Variants in INPP4B observed in about 807,000 individuals in gnomAD.
INPP4B encodes inositol polyphosphate-4-phosphatase type II B.
Under a neutral mutation model 122.5 loss-of-function variants are expected in INPP4B, and 55 were observed. The observed-to-expected ratio is 0.45, with a 90% confidence interval of 0.36 to 0.56. The LOEUF (loss-of-function observed/expected upper bound fraction) is 0.56. Among genes scored for constraint, INPP4B ranks in the 20% least tolerant of loss-of-function variants. INPP4B has a pLI of 0.00. For synonymous variants in INPP4B, 403 were observed against 388.7 expected, an observed-to-expected ratio of 1.04 and a Z score of -0.43; for missense variants, 1,000 against 1,097.7, an observed-to-expected ratio of 0.91 and a Z score of 1.26.
At chr4:142,092,505 G>A (rs549500876) in intron 23 of INPP4B, among the ~76,000 whole-genome samples, 3 of 151,972 alleles carry the variant, frequency 2.0e-5, no homozygotes, top group Non-Finnish European at 4.4e-5. Context: ...TGGCTGGGCT[G>A]GTCTCAAACT....
chr4:142,317,985 A>T (rs182827975), intron 7 of INPP4B, among the ~76,000 whole-genome samples: 31 of 152,302 alleles, frequency 2.0e-4, no homozygotes, highest in African/African-American at 7.2e-4. Flanking sequence ...ATAGGATATG[A>T]GGGAAGGCAT....
chr4:142,758,724 A>T (rs1258152885), intron 1 of INPP4B, among the ~76,000 whole-genome samples: 1 of 152,138 alleles, frequency 6.6e-6, no homozygotes, highest in African/African-American at 2.4e-5. Context: ...AGGCCAAGGC[A>T]GGTGGATCAC....
intron 25 of INPP4B, among the ~76,000 whole-genome samples, chr4:142,052,915 TGTA>T (rs1344815262): frequency 6.6e-6 from 1 of 152,090 alleles, no homozygotes; most frequent in Non-Finnish European, 1.5e-5. Context: ...TACCAGGCAC[TGTA>T]CTAGATGCCT....
In INPP4B at chr4:142,028,895, TCTCTATGCGGCATC is replaced by T. The variant is rs778986220; in HGVS notation, c.2648_2661del (p.Gly883GlufsTer36). ...CTGCATTTGATATTCTTCAGTACAT[TCTCTATGCGGCATC>T]CTTCTCTGGTGAAAGGGGAAAAAGT... On this transcript the variant is annotated frameshift_variant, in exon 26 of 26. Coordinates refer to ENST00000262992, the MANE Select transcript of INPP4B (RefSeq NM_001101669.3). LOFTEE classifies it high-confidence loss of function. 1.2e-6 allele frequency: 2 copies of T among 1,612,338 alleles called. No individual in the cohort carries two copies. Among genetic ancestry groups the T allele is most frequent in the Non-Finnish European group, 1.7e-6 (2 of 1,179,290 alleles).
At chr4:142,334,025 C>T (rs188667955) in intron 7 of INPP4B, among the ~76,000 whole-genome samples, 15 of 152,264 alleles carry the variant, frequency 9.9e-5, no homozygotes, top group Admixed American at 9.8e-4. Context: ...CCATTTCCTC[C>T]TCCCCTCAGC....
At chr4:142,231,250 GT>G (rs1457207096) in intron 12 of INPP4B, among the ~76,000 whole-genome samples, 2 of 152,218 alleles carry the variant, frequency 1.3e-5, no homozygotes, top group African/African-American at 4.8e-5. Context: ...TTGCTGCGCC[GT>G]TATGTCCCTG....
rs941222534 is a variant in INPP4B, at chr4:142,455,638, A to C, written c.-127+7025T>G. ...ACATGGGAATGCAGATATCTCTTCT[A>C]TATACTGTTTTTCTTTCTTGTGGGT... On this transcript the variant is annotated intron_variant, in intron 3 of 25. Coordinates refer to ENST00000262992, the MANE Select transcript of INPP4B (RefSeq NM_001101669.3). 4.6e-5 allele frequency among the ~76,000 whole-genome samples: 7 copies of C among 152,156 alleles called. No individual in the cohort carries two copies. The East Asian group carries it at 9.7e-4, about 21-fold the overall frequency.
intron 2 of INPP4B, among the ~76,000 whole-genome samples, chr4:142,652,739 C>T (rs1026104363): frequency 2.6e-5 from 4 of 152,200 alleles, no homozygotes; most frequent in Non-Finnish European, 4.4e-5. Flanking sequence ...AAGAACATTC[C>T]ATGCTCATGG....
intron 2 of INPP4B, among the ~76,000 whole-genome samples, chr4:142,712,590 G>GA (rs369756113): frequency 1.2e-3 from 177 of 151,072 alleles, no homozygotes; most frequent in Non-Finnish European, 1.8e-3. Context: ...TATATCGAAA[G>GA]AAAAAAAAAT....
At chr4:142,645,491 T>C (rs1054182001) in intron 2 of INPP4B, among the ~76,000 whole-genome samples, 2 of 152,240 alleles carry the variant, frequency 1.3e-5, no homozygotes, top group Non-Finnish European at 2.9e-5. Flanking sequence ...CTTGCAGTTA[T>C]GTGTGGCCAT....
At chr4:142,175,729 AG>A (rs1314174187) in intron 15 of INPP4B, among the ~76,000 whole-genome samples, 4 of 152,106 alleles carry the variant, frequency 2.6e-5, no homozygotes, top group Non-Finnish European at 5.9e-5. Flanking sequence ...GCAGGAGTGT[AG>A]TAAGGACTTT....
At chr4:142,526,806 A>G (rs1826976358) in intron 2 of INPP4B, among the ~76,000 whole-genome samples, 1 of 152,058 alleles carries the variant, frequency 6.6e-6, no homozygotes, top group Non-Finnish European at 1.5e-5. Flanking sequence ...AACAAAATCT[A>G]TAAAATATAT....
chr4:142,687,910 A>G (rs894614040), intron 2 of INPP4B, among the ~76,000 whole-genome samples: 1 of 151,920 alleles, frequency 6.6e-6, no homozygotes, highest in Non-Finnish European at 1.5e-5. Flanking sequence ...TTCTCTCTTC[A>G]CTTATTCCTT....
intron 2 of INPP4B, among the ~76,000 whole-genome samples, chr4:142,656,723 C>T (rs956673099): frequency 2.0e-5 from 3 of 152,210 alleles, no homozygotes; most frequent in African/African-American, 7.2e-5. Context: ...AGAGGCTCTT[C>T]CCCAGGAATT....
rs35250436 is a variant in INPP4B, at chr4:142,720,893, CGTGTGTGTGT to C, written c.-191+4936_-191+4945del. Among the ~76,000 whole-genome samples the C allele has an allele frequency of 9.0e-5, 10 of 111,258 alleles. No homozygotes were observed. In the South Asian group the frequency reaches 2.8e-3, roughly 32 times the overall value. The allele number at this position is 111,258 out of a possible 152,430, so 73.0% of individuals were successfully genotyped here. On this transcript the variant is annotated intron_variant, in intron 2 of 25. Coordinates refer to ENST00000262992, the MANE Select transcript of INPP4B (RefSeq NM_001101669.3). The stretch of plus-strand genomic sequence containing the variant: ...TTGTCACCCAGGCTGGAGTGCATCT[CGTGTGTGTGT>C]GTGTGTGTGTGTGTGTGTGTGTGTA...
intron 4 of INPP4B, among the ~76,000 whole-genome samples, chr4:142,430,398 T>C (rs534718418): frequency 1.1e-4 from 16 of 152,028 alleles, no homozygotes; most frequent in Non-Finnish European, 2.1e-4. Context: ...CAAAAACGCA[T>C]CCAACCAATA....
chr4:142,216,794 CCAAAA>C (rs1847476071), intron 12 of INPP4B, among the ~76,000 whole-genome samples: 1 of 151,904 alleles, frequency 6.6e-6, no homozygotes, highest in South Asian at 2.1e-4. Flanking sequence ...AGATTAAAAA[CCAAAA>C]CAAAACAACC....
At chr4:142,608,068 C>T (rs537676809) in intron 2 of INPP4B, among the ~76,000 whole-genome samples, 87 of 152,250 alleles carry the variant, frequency 5.7e-4, no homozygotes, top group Non-Finnish European at 9.9e-4. Flanking sequence ...ATTTTCAGAG[C>T]ACAAGCATTA....
chr4:142,240,148 C>T (rs1240390208), intron 11 of INPP4B, among the ~76,000 whole-genome samples: 1 of 149,922 alleles, frequency 6.7e-6, no homozygotes, highest in Non-Finnish European at 1.5e-5. Flanking sequence ...AGTGATCTTC[C>T]TGTCTCATCC....
Sources: allele counts gnomAD v4.1 joint callset (sites outside exome capture counted in the v4.1 genomes callset), GRCh38; gene constraint gnomAD v4.1.1; transcripts MANE v1.5; gene names NCBI Gene and HGNC (gene_info 2026-07-23, HGNC 2026-07-21).